Variants in SPMAP2 observed in about 807,000 individuals in gnomAD.
SPMAP2 encodes the protein sperm microtubule associated protein 2, also known as Theg homolog.
the SPMAP2 span, among the ~76,000 whole-genome samples, chr19:369,888 G>C: frequency 6.6e-6 from 1 of 152,218 alleles, no homozygotes; most frequent in Admixed American, 6.5e-5. Context: ...ATCAGTTAAG[G>C]CTATTTTTAC....
At chr19:375,414 C>T in the SPMAP2 span, among the ~76,000 whole-genome samples, 3 of 152,338 alleles carry the variant, frequency 2.0e-5, no homozygotes, top group South Asian at 6.2e-4. Context: ...GTTTACTCCT[C>T]CTCCTGCCAC....
At chr19:364,336 C>CAAAAAAAAAAAAAA in the SPMAP2 span, among the ~76,000 whole-genome samples, 32 of 73,936 alleles carry the variant, frequency 4.3e-4, no homozygotes, top group African/African-American at 5.8e-4. Flanking sequence ...AGCTCTGTCT[C>CAAAAAAAAAAAAAA]AAAAAAAAAA....
chr19:374,492 G>A, the SPMAP2 span: 59 of 1,598,874 alleles, frequency 3.7e-5, no homozygotes, highest in Non-Finnish European at 3.8e-5. Context: ...CCAGAGAAGC[G>A]TGGGTCTTGC....
chr19:375,179 C>T, the SPMAP2 span, among the ~76,000 whole-genome samples: 1 of 152,152 alleles, frequency 6.6e-6, no homozygotes, highest in Non-Finnish European at 1.5e-5. Flanking sequence ...AAAATCAGCG[C>T]CCCCAGTGCT....
the SPMAP2 span, chr19:374,411 T>C: frequency 1.4e-5 from 22 of 1,613,974 alleles, no homozygotes; most frequent in Non-Finnish European, 1.9e-5. Flanking sequence ...TTCTGGCTGA[T>C]GGACAGCCGG....
At chr19:371,613 C>T in the SPMAP2 span, among the ~76,000 whole-genome samples, 1 of 152,186 alleles carries the variant, frequency 6.6e-6, no homozygotes, top group African/African-American at 2.4e-5. Flanking sequence ...AACGTCCACC[C>T]TCAGGTCCAG....
chr19:362,129 G>A, the SPMAP2 span: 1 of 1,240,584 alleles, frequency 8.1e-7, no homozygotes, highest in African/African-American at 1.5e-5. Flanking sequence ...CCCTTCTCCA[G>A]GCCAAAAAGC....
At chr19:372,389 C>A in the SPMAP2 span, among the ~76,000 whole-genome samples, 2 of 152,240 alleles carry the variant, frequency 1.3e-5, no homozygotes, top group Non-Finnish European at 2.9e-5. Flanking sequence ...TTCACGGGTG[C>A]CCTCCACCAC....
the SPMAP2 span, among the ~76,000 whole-genome samples, chr19:370,166 A>G: frequency 6.6e-6 from 1 of 152,126 alleles, no homozygotes; most frequent in Non-Finnish European, 1.5e-5. Context: ...GGATGGGGAG[A>G]GCCTGAGCTC....
At chr19:373,479 T>C in the SPMAP2 span, 1 of 1,612,846 alleles carries the variant, frequency 6.2e-7, no homozygotes, top group Middle Eastern at 1.7e-4. Flanking sequence ...CCGGGCACTG[T>C]GATGGTGAGG....
chr19:375,993 C>T, the SPMAP2 span: 135 of 1,383,708 alleles, frequency 9.8e-5, no homozygotes, highest in Middle Eastern at 2.7e-4. Context: ...TCCCAGCCCC[C>T]GCGGCCTCAC....
At chr19:367,605 A>T in the SPMAP2 span, among the ~76,000 whole-genome samples, 1 of 152,240 alleles carries the variant, frequency 6.6e-6, no homozygotes. Flanking sequence ...AGAGGCTCTC[A>T]TGCATGACTG....
chr19:370,811 G>A, the SPMAP2 span, among the ~76,000 whole-genome samples: 1 of 152,036 alleles, frequency 6.6e-6, no homozygotes, highest in African/African-American at 2.4e-5. Flanking sequence ...GGCGGCAGAA[G>A]CCGGGTCAAG....
At chr19:375,547 G>A in the SPMAP2 span, 5 of 1,140,238 alleles carry the variant, frequency 4.4e-6, no homozygotes, top group African/African-American at 8.0e-5. Flanking sequence ...CAGCGAGCCA[G>A]GCCGGTGGCC....
At chr19:364,365 A>G in the SPMAP2 span, among the ~76,000 whole-genome samples, 1 of 151,622 alleles carries the variant, frequency 6.6e-6, no homozygotes, top group African/African-American at 2.4e-5. Context: ...AAGAAAGAAA[A>G]AAAAAGAAAA....
chr19:374,001 AG>A, the SPMAP2 span: 3 of 1,613,498 alleles, frequency 1.9e-6, no homozygotes, highest in South Asian at 3.3e-5. Context: ...CCCTTACCAC[AG>A]CGTCCCTTCC....
At chr19:371,037 G>A in the SPMAP2 span, among the ~76,000 whole-genome samples, 26 of 152,328 alleles carry the variant, frequency 1.7e-4, no homozygotes, top group Non-Finnish European at 7.3e-5. Flanking sequence ...ACCCCTGGGC[G>A]GCTCTGAAGA....
At chr19:367,997 T>C in the SPMAP2 span, among the ~76,000 whole-genome samples, 1 of 152,092 alleles carries the variant, frequency 6.6e-6, no homozygotes, top group Non-Finnish European at 1.5e-5. Context: ...ACGATGGCAG[T>C]GGGGCAGTGC....
the SPMAP2 span, among the ~76,000 whole-genome samples, chr19:362,664 G>A: frequency 6.6e-6 from 1 of 151,120 alleles, no homozygotes; most frequent in Non-Finnish European, 1.5e-5. Flanking sequence ...TACTCGGGAG[G>A]TTGAGGCATG....
Sources: gnomAD v4.1 joint callset for allele counts (sites outside exome capture counted in the v4.1 genomes callset) on GRCh38, gnomAD v4.1.1 for gene constraint, MANE v1.5 for transcripts, NCBI Gene and HGNC (gene_info 2026-07-23, HGNC 2026-07-21) for gene names.